The following RNF213 variants were observed in gnomAD, a reference collection of about 807,000 sequenced individuals.
RNF213 encodes the protein E3 ubiquitin-protein ligase RNF213.
Under a neutral mutation model 514.4 loss-of-function variants are expected in RNF213, and 341 were observed. That is an observed-to-expected ratio of 0.66 (90% confidence interval 0.61 to 0.73). The LOEUF is 0.73. Ranked by LOEUF, RNF213 falls within the 30% of genes least tolerant of loss-of-function variation. The pLI is 0.00. For synonymous variants in RNF213, 2,655 were observed against 2,658.2 expected, an observed-to-expected ratio of 1.00 and a Z score of 0.04; for missense variants, 5,767 against 6,615.6, an observed-to-expected ratio of 0.87 and a Z score of 4.45.
chr17:80,323,406 T>G (rs749371823), intron 17 of RNF213, among the ~76,000 whole-genome samples: 1 of 152,230 alleles, frequency 6.6e-6, no homozygotes, highest in Non-Finnish European at 1.5e-5. Flanking sequence ...AGAATCAGTA[T>G]GTCAGTTTCC....
At chr17:80,361,999 G>T in intron 39 of RNF213, 111 bp downstream of exon 39, 1 of 1,308,250 alleles carries the variant, frequency 7.6e-7, no homozygotes, top group Non-Finnish European at 1.1e-6. Flanking sequence ...TGTGAAGTCT[G>T]GGAACAGAAC....
Position 80,350,820 on chromosome 17 carries a change from C to T in RNF213, c.10184+424C>T, listed in dbSNP as rs566559874. On this transcript the variant is annotated intron_variant, in intron 31 of 67. Coordinates refer to ENST00000582970, the MANE Select transcript of RNF213 (RefSeq NM_001256071.3). ...TCCTCCCCACAAAAAAGGTGAAATG[C>T]GAGAGGTGTAAATAATGGAACATTA... Among the ~76,000 whole-genome samples the T allele has an allele frequency of 1.1e-4, 16 of 152,224 alleles. No homozygotes were observed. The South Asian group carries it at 2.9e-3, about 28-fold the overall frequency.
chr17:80,387,011 T>G, intron 63 of RNF213, 120 bp downstream of exon 63: 5 of 985,552 alleles, frequency 5.1e-6, no homozygotes, highest in East Asian at 2.6e-5. Flanking sequence ...CTGTATCTCC[T>G]CCCTCACACC....
intron 25 of RNF213, among the ~76,000 whole-genome samples, chr17:80,338,631 T>C (rs1258388963): frequency 1.1e-5 from 1 of 91,340 alleles, no homozygotes; most frequent in Non-Finnish European, 2.2e-5. Context: ...AAGTATAAGG[T>C]TTTTTTTTTT....
At chr17:80,307,910 T>C (rs1311980183) in intron 13 of RNF213, among the ~76,000 whole-genome samples, 1 of 151,840 alleles carries the variant, frequency 6.6e-6, no homozygotes, top group African/African-American at 2.4e-5. Flanking sequence ...TGCTAAGATT[T>C]GGGTTTATCT....
chr17:80,345,974 G>A lies in RNF213; in HGVS notation c.7639G>A (p.Val2547Ile), dbSNP rs752176408. ...RLESAGLGYR[V>I]SMEETADRLG... ...GGAGTCAGCTGGTTTGGGCTACAGG[G>A]TTAGTATGGAGGAGACGGCCGACAG... is the stretch of plus-strand genomic sequence containing the variant. Residue 2547 changes from valine to isoleucine, a missense_variant, in exon 29 of 68, where the codon GTT becomes ATT. By Grantham distance (29) the Val-to-Ile change is conservative. Transcript: ENST00000582970. The surrounding 1 kb of genome is among the most constrained non-coding windows in gnomAD (Gnocchi z 6.0). 6.8e-6 allele frequency: 11 copies of A among 1,614,236 alleles called. 1 individual carries two copies. The South Asian group carries it at 7.7e-5, about 11-fold the overall frequency.
chr17:80,370,274 G>A (rs1271582935), intron 46 of RNF213, among the ~76,000 whole-genome samples: 1 of 152,128 alleles, frequency 6.6e-6, no homozygotes, highest in Non-Finnish European at 1.5e-5. Flanking sequence ...CCCTGAACAT[G>A]GGCTCTATTT....
chr17:80,373,366 CTTCCGCG>C, intron 49 of RNF213, among the ~76,000 whole-genome samples: 1 of 151,026 alleles, frequency 6.6e-6, no homozygotes, highest in Admixed American at 6.6e-5. Flanking sequence ...GGTGCCACTG[CTTCCGCG>C]TTCCGCCTGC....
intron 67 of RNF213, among the ~76,000 whole-genome samples, chr17:80,390,483 G>C (rs1407377959): frequency 6.6e-6 from 1 of 152,008 alleles, no homozygotes; most frequent in Non-Finnish European, 1.5e-5. Context: ...TGCAACCTCT[G>C]CCTCCCAGGT....
At chr17:80,368,485 TAC>T (rs2079372876) in intron 44 of RNF213, among the ~76,000 whole-genome samples, 1 of 147,138 alleles carries the variant, frequency 6.8e-6, no homozygotes, top group South Asian at 2.1e-4. Flanking sequence ...CAGGCTGGAG[TAC>T]AGTGGCACGA....
chr17:80,284,037 A>G (rs975982566), intron 3 of RNF213, among the ~76,000 whole-genome samples: 4 of 152,042 alleles, frequency 2.6e-5, no homozygotes, highest in African/African-American at 9.7e-5. Flanking sequence ...TAGCTGGCCA[A>G]CATGGTGAAA....
At chr17:80,278,012 C>G (rs1195964294) in intron 3 of RNF213, among the ~76,000 whole-genome samples, 2 of 152,246 alleles carry the variant, frequency 1.3e-5, no homozygotes, top group East Asian at 3.8e-4. Flanking sequence ...TTGGCCTCTC[C>G]TTTGGTGGCC....
At chr17:80,388,411 G>A (rs2144654143) in intron 63 of RNF213, 1 of 602,326 alleles carries the variant, frequency 1.7e-6, no homozygotes, top group Non-Finnish European at 3.0e-6. Flanking sequence ...AATTGGCTGT[G>A]AGGACTCCGC....
At position 80,353,085 on chromosome 17, in the gene RNF213, G is replaced by A. The variant is rs768786265; in HGVS notation, c.10423+26G>A. 1 of 1,608,634 alleles carries A rather than the reference G, an allele frequency of 6.2e-7. No homozygotes were observed. Among genetic ancestry groups the A allele is most frequent in the East Asian group, 2.2e-5 (1 of 44,890 alleles). On this transcript the variant is annotated intron_variant, in intron 33 of 67. Coordinates refer to ENST00000582970, the MANE Select transcript of RNF213 (RefSeq NM_001256071.3). This position sits in a 1 kb window ranked among gnomAD's most constrained non-coding sequence, Gnocchi z 5.0. ...GTGAGTCACGAGGCGGAGCCCCTGG[G>A]GGAGCAGGTGGTGGAAGGGCAGATG...
At chr17:80,287,676 T>G in intron 3 of RNF213, 139 bp from the exon 4 acceptor site, 2 of 810,544 alleles carry the variant, frequency 2.5e-6, no homozygotes, top group Non-Finnish European at 4.2e-6. Flanking sequence ...TCCAGGAAAT[T>G]GCAGATTTAA....
rs141059502 is a variant in RNF213, at chr17:80,281,338, C to CCACA, written c.262-6469_262-6466dup. On this transcript the variant is annotated intron_variant, in intron 3 of 67. Coordinates refer to ENST00000582970, the MANE Select transcript of RNF213 (RefSeq NM_001256071.3). The stretch of plus-strand genomic sequence containing the variant: ...CCACTCACACCACTCACACACGCCC[C>CCACA]CACACACACACCCCACTCACACACA... Among the ~76,000 whole-genome samples, 47 of 56,502 alleles carry CCACA rather than the reference C, an allele frequency of 8.3e-4. 2 individuals are homozygous for CCACA. Among genetic ancestry groups the CCACA allele is most frequent in the African/African-American group, 2.6e-3 (45 of 17,314 alleles). 37.1% of individuals were successfully genotyped at this position (56,502 alleles called of 152,430 possible).
chr17:80,359,594 AAG>A (rs1397247805), intron 37 of RNF213, among the ~76,000 whole-genome samples: 3 of 133,016 alleles, frequency 2.3e-5, no homozygotes, highest in South Asian at 4.7e-4. Context: ...AAGAGAAAGA[AAG>A]AGCGAGAGAA....
Position 80,346,263 on chromosome 17 carries a change from G to A in RNF213, c.7928G>A (p.Arg2643His), listed in dbSNP as rs369933581. Residue 2643 changes from arginine (R) to histidine (H), a missense_variant, in exon 29 of 68, where the codon CGC becomes CAC. Physicochemically the swap from Arg to His is conservative, Grantham distance 29 (BLOSUM62 0). This residue lies in a region of RNF213 where 1,377 missense variants were observed against 1,635.2 expected (regional missense o/e 0.84). Coordinates refer to ENST00000582970, the MANE Select transcript of RNF213 (RefSeq NM_001256071.3). The surrounding 1 kb of genome is among the most constrained non-coding windows in gnomAD (Gnocchi z 8.1). Reference protein sequence around the residue: ...CSFVSLRDVERCVKVFRWFHE... With the variant: ...CSFVSLRDVEHCVKVFRWFHE... ...TTTGTCAGCCTCAGGGACGTGGAGCGCTGTGTGAAAGTTTTCAGGTGGTTC... is the reference window on the plus strand; with the variant it reads ...TTTGTCAGCCTCAGGGACGTGGAGCACTGTGTGAAAGTTTTCAGGTGGTTC... 9.3e-6 allele frequency: 15 copies of A among 1,614,022 alleles called. No individual in the cohort carries two copies. Among genetic ancestry groups the A allele is most frequent in the East Asian group, 2.2e-5 (1 of 44,894 alleles).
chr17:80,339,165 GCT>G lies in RNF213; in HGVS notation c.4834-33_4834-32del, dbSNP rs769484471. The stretch of plus-strand genomic sequence containing the variant: ...GAGTAGCGTGTTACCCTCTCGCATG[GCT>G]CTGTGAGCCAACCTCATGGTTCTGC... On this transcript the variant is annotated intron_variant, in intron 25 of 67. Transcript: ENST00000582970. 2.4e-5 allele frequency: 35 copies of G among 1,448,990 alleles called. No individual in the cohort carries two copies. In the East Asian group the frequency reaches 7.5e-4, roughly 31 times the overall value. 89.8% of individuals were successfully genotyped at this position (1,448,990 alleles called of 1,614,324 possible).
Sources: allele counts gnomAD v4.1 joint callset (sites outside exome capture counted in the v4.1 genomes callset), GRCh38; gene constraint gnomAD v4.1.1; regional missense constraint gnomAD v4.1.1; non-coding constraint Gnocchi (gnomAD v3.1); transcripts MANE v1.5; gene names NCBI Gene and HGNC (gene_info 2026-07-23, HGNC 2026-07-21).